The following UBE2V1 variants were observed in gnomAD, a reference collection of about 807,000 sequenced individuals.
UBE2V1 encodes the protein ubiquitin conjugating enzyme E2 V1.
UBE2V1 carries 15 observed loss-of-function variants against 19.6 expected under a neutral mutation model. The ratio of observed to expected loss-of-function variants is 0.77; its 90% confidence interval spans 0.51 to 1.18. UBE2V1 has a LOEUF of 1.18. UBE2V1 is among the 50% of genes most tolerant of loss of function. The pLI is 0.00. For missense variants in UBE2V1, 125 were observed against 184.8 expected (o/e 0.68, Z 1.88); for synonymous variants, 60 against 60.7 (o/e 0.99, Z 0.05).
intron 1 of UBE2V1, among the ~76,000 whole-genome samples, chr20:50,108,527 G>T (rs2080539280): frequency 1.3e-5 from 2 of 152,122 alleles, no homozygotes; most frequent in African/African-American, 4.8e-5. Context: ...GAGCACCCAG[G>T]CTCTGCACCT....
rs2079651038 is a variant in UBE2V1, at chr20:50,096,772, CCTT to C, written c.68_70del (p.Glu23del). The C allele has an allele frequency of 6.2e-7, 1 of 1,613,982 alleles. No homozygotes were observed. Among genetic ancestry groups the C allele is most frequent in the Admixed American group, 1.7e-5 (1 of 59,998 alleles). On this transcript the variant is annotated inframe_deletion, in exon 2 of 4. Transcript: ENST00000371674. ...TGTGCCATCTCCTACTCCTTTCTGG[CCTT>C]CTTCGAGTTCTTCCAACAGTCGGAA... is the stretch of plus-strand genomic sequence containing the variant.
chr20:50,088,785 CA>C (rs10661118), intron 2 of UBE2V1, among the ~76,000 whole-genome samples: 171 of 119,560 alleles, frequency 1.4e-3, no homozygotes, highest in Non-Finnish European at 1.9e-3. Context: ...GACCCTATCT[CA>C]AAAAAAAAAA....
At chr20:50,084,052 A>G (rs2078766524) in intron 3 of UBE2V1, 77 bp downstream of exon 3, 1 of 1,514,962 alleles carries the variant, frequency 6.6e-7, no homozygotes, top group Middle Eastern at 2.5e-4. Flanking sequence ...AATTGGGCCC[A>G]GTCTAAAAGC....
chr20:50,104,475 G>A, intron 1 of UBE2V1: 1 of 398,080 alleles, frequency 2.5e-6, no homozygotes, highest in Non-Finnish European at 3.4e-6. Context: ...GGCTAACACG[G>A]TGAAACCCCG....
Position 50,081,318 on chromosome 20 carries a change from A to G in UBE2V1, c.*1450T>C, listed in dbSNP as rs2078633899. On this transcript the variant is annotated 3_prime_UTR_variant, in exon 4 of 4. Transcript: ENST00000371674. ...TTTCAGACTTGATAGTTGCTGCTTC[A>G]AAAGGTGGTTTTACACAAATACTAA... The G allele has an allele frequency of 6.6e-6, 1 of 152,264 alleles. No individual in the cohort carries two copies. Among genetic ancestry groups the G allele is most frequent in the South Asian group, 2.1e-4 (1 of 4,796 alleles). The allele number at this position is 152,264 out of a possible 1,614,324, so 9.4% of individuals were successfully genotyped here. A position where few individuals can be genotyped will look rare whatever the true frequency, so the allele number is the denominator to read the frequency against.
At chr20:50,109,741 CCG>C (rs2080626321) in intron 1 of UBE2V1, among the ~76,000 whole-genome samples, 1 of 100,290 alleles carries the variant, frequency 1.0e-5, no homozygotes, top group Non-Finnish European at 2.0e-5. Flanking sequence ...GGGCGAAACT[CCG>C]TCTCAAAAAA....
At chr20:50,111,304 G>T (rs1394791185) in intron 1 of UBE2V1, 2 of 990,254 alleles carry the variant, frequency 2.0e-6, no homozygotes, top group Non-Finnish European at 1.2e-6. Context: ...AACTGTCAGG[G>T]TCTGGAGAAG....
upstream of UBE2V1, among the ~76,000 whole-genome samples, chr20:50,114,370 C>A (rs992996808): frequency 6.6e-6 from 1 of 152,184 alleles, no homozygotes; most frequent in African/African-American, 2.4e-5. Context: ...CCACTCAGGG[C>A]AAGCTGCCTT....
At chr20:50,113,951 G>A (rs1447091140), upstream of UBE2V1, among the ~76,000 whole-genome samples, 1 of 152,098 alleles carries the variant, frequency 6.6e-6, no homozygotes, top group East Asian at 1.9e-4. Flanking sequence ...AAATAAACAG[G>A]AAACTATAAT....
intron 1 of UBE2V1, chr20:50,104,440 G>A (rs1270727658): frequency 8.6e-6 from 6 of 695,856 alleles, no homozygotes; most frequent in Non-Finnish European, 8.8e-6. Flanking sequence ...GGCGGATCAC[G>A]AGGTCAGGAG....
intron 1 of UBE2V1, among the ~76,000 whole-genome samples, chr20:50,109,478 C>T (rs189488229): frequency 6.6e-5 from 10 of 152,224 alleles, no homozygotes; most frequent in Admixed American, 5.2e-4. Context: ...CAGCCCGGCA[C>T]GGTGACTTAC....
chr20:50,113,051 G>T, intron 1 of UBE2V1, 56 bp downstream of exon 1: 1 of 784,042 alleles, frequency 1.3e-6, no homozygotes, highest in Non-Finnish European at 1.8e-6. Context: ...AGGGTCCCCG[G>T]CCCCCGGCCC....
At position 50,082,616 on chromosome 20, in the gene UBE2V1, G is replaced by T; in HGVS notation, c.*152C>A. On this transcript the variant is annotated 3_prime_UTR_variant, in exon 4 of 4. Coordinates refer to ENST00000371674, the MANE Select transcript of UBE2V1 (RefSeq NM_001032288.3). The stretch of plus-strand genomic sequence containing the variant: ...GGACAAAAAATTAGTATCATTTACA[G>T]TATCTTAAGATAAATTTCCTTTGAA... 3.7e-6 allele frequency: 5 copies of T among 1,339,484 alleles called. No homozygotes were observed. The highest frequency in any genetic ancestry group is 4.9e-6 in the Non-Finnish European group (5 of 1,011,010). 83.0% of individuals were successfully genotyped at this position (1,339,484 alleles called of 1,614,324 possible).
chr20:50,093,844 C>T (rs1466642167), intron 2 of UBE2V1, among the ~76,000 whole-genome samples: 1 of 151,120 alleles, frequency 6.6e-6, no homozygotes, highest in South Asian at 2.1e-4. Flanking sequence ...ACAAAATTAG[C>T]TGGGCGTGGT....
At chr20:50,095,854 C>T (rs1009696304) in intron 2 of UBE2V1, 3 of 152,170 alleles carry the variant, frequency 2.0e-5, no homozygotes, top group Non-Finnish European at 4.4e-5. Flanking sequence ...AAAATGTAAA[C>T]AAAAGGGAGA....
chr20:50,096,859 C>G (rs374518894), intron 1 of UBE2V1, 39 bp from the exon 2 acceptor site: 412 of 1,612,034 alleles, frequency 2.6e-4, no homozygotes, highest in Non-Finnish European at 3.2e-4. Context: ...ACCAGCAACT[C>G]CAGGGGAACT....
intron 1 of UBE2V1, among the ~76,000 whole-genome samples, chr20:50,098,115 G>A (rs1046512567): frequency 2.0e-5 from 3 of 152,118 alleles, no homozygotes; most frequent in African/African-American, 7.2e-5. Flanking sequence ...TTAAATGGAG[G>A]GATAAAGGAA....
chr20:50,088,132 T>C (rs1449534034), intron 2 of UBE2V1, among the ~76,000 whole-genome samples: 1 of 109,316 alleles, frequency 9.1e-6, no homozygotes, highest in African/African-American at 3.5e-5. Context: ...CAAATTCCAA[T>C]AGAGAGACAG....
chr20:50,086,295 C>T (rs2146969449), intron 2 of UBE2V1, among the ~76,000 whole-genome samples: 1 of 152,308 alleles, frequency 6.6e-6, no homozygotes, highest in East Asian at 1.9e-4. Context: ...CCAACTGAGG[C>T]TCAGTTATGC....
Sources: gnomAD v4.1 joint callset for allele counts (sites outside exome capture counted in the v4.1 genomes callset) on GRCh38, gnomAD v4.1.1 for gene constraint, MANE v1.5 for transcripts, NCBI Gene and HGNC (gene_info 2026-07-23, HGNC 2026-07-21) for gene names.